Variants in CNTN5 observed in about 807,000 individuals in gnomAD.
CNTN5 encodes contactin 5.
A neutral mutation model predicts 129.1 loss-of-function variants in CNTN5; 77 were observed. The observed-to-expected ratio is 0.60, with a 90% confidence interval of 0.50 to 0.72. CNTN5 has a LOEUF of 0.72. Ranked by LOEUF, CNTN5 falls within the 30% of genes least tolerant of loss-of-function variation. The pLI, the probability that CNTN5 is intolerant of heterozygous loss-of-function variation, is 0.00. For synonymous variants in CNTN5, 509 were observed against 465.6 expected, an observed-to-expected ratio of 1.09 and a Z score of -1.20; for missense variants, 1,478 against 1,328.8, an observed-to-expected ratio of 1.11 and a Z score of -1.75.
chr11:99,965,677 T>C lies in CNTN5; in HGVS notation c.877+8668T>C, dbSNP rs557698927. ...GAGTTCTGTAGATGTCTATTAGGTCTGCTTGGTGCAGAGCTGAGTTCAATT... is the reference window on the plus strand; with the variant it reads ...GAGTTCTGTAGATGTCTATTAGGTCCGCTTGGTGCAGAGCTGAGTTCAATT... On this transcript the variant is annotated intron_variant, in intron 8 of 24. Coordinates refer to ENST00000524871, the MANE Select transcript of CNTN5 (RefSeq NM_014361.4). Among the ~76,000 whole-genome samples the C allele has an allele frequency of 1.3e-3, 205 of 152,264 alleles. 1 individual carries two copies. The highest frequency in any genetic ancestry group is 4.7e-3 in the African/African-American group (197 of 41,562).
Position 99,953,539 on chromosome 11 carries a change from T to C in CNTN5, c.674-3267T>C, listed in dbSNP as rs150684163. The stretch of plus-strand genomic sequence containing the variant: ...CAAATAAGAACTAAAATCCAAAGTA[T>C]ACTCTCTGGTGTTAACCCTGAGGAG... On this transcript the variant is annotated intron_variant, in intron 7 of 24. Transcript: ENST00000524871. Among the ~76,000 whole-genome samples the C allele has an allele frequency of 2.0e-3, 312 of 152,258 alleles. 2 individuals are homozygous for C. The highest frequency in any genetic ancestry group is 7.2e-3 in the African/African-American group (300 of 41,566).
chr11:99,141,642 T>C (rs1859521878), intron 1 of CNTN5, among the ~76,000 whole-genome samples: 1 of 152,198 alleles, frequency 6.6e-6, no homozygotes, highest in Non-Finnish European at 1.5e-5. Flanking sequence ...TATTTAGCAC[T>C]ATATACTTCT....
intron 13 of CNTN5, among the ~76,000 whole-genome samples, chr11:100,092,713 C>A (rs1046373202): frequency 6.6e-6 from 1 of 152,030 alleles, no homozygotes; most frequent in Non-Finnish European, 1.5e-5. Flanking sequence ...GTGCTCTTCC[C>A]CCATACTGAG....
chr11:99,877,694 G>A (rs561474050), intron 6 of CNTN5, among the ~76,000 whole-genome samples: 21 of 152,058 alleles, frequency 1.4e-4, no homozygotes, highest in Non-Finnish European at 2.1e-4. Context: ...AAAATTACAT[G>A]CTGTAGTAAT....
At chr11:100,063,912 C>G (rs891879361) in intron 10 of CNTN5, among the ~76,000 whole-genome samples, 1 of 151,846 alleles carries the variant, frequency 6.6e-6, no homozygotes, top group Non-Finnish European at 1.5e-5. Flanking sequence ...AAAAGTATGT[C>G]GGTTATCATG....
chr11:100,051,247 C>T (rs937170122), intron 9 of CNTN5, among the ~76,000 whole-genome samples: 1 of 151,942 alleles, frequency 6.6e-6, no homozygotes, highest in Non-Finnish European at 1.5e-5. Flanking sequence ...ATGTGTTGGG[C>T]CGTAAAACAA....
At chr11:99,774,348 G>A (rs1383356216) in intron 3 of CNTN5, among the ~76,000 whole-genome samples, 1 of 150,690 alleles carries the variant, frequency 6.6e-6, no homozygotes, top group Non-Finnish European at 1.5e-5. Context: ...TTTTTGGGGG[G>A]GTGGGTGTTA....
At chr11:99,821,219 C>G (rs1946791301) in intron 4 of CNTN5, among the ~76,000 whole-genome samples, 1 of 152,080 alleles carries the variant, frequency 6.6e-6, no homozygotes, top group Non-Finnish European at 1.5e-5. Context: ...TGTTCTGCCT[C>G]TTTGTTCTCT....
chr11:99,955,050 T>A (rs1359667927), intron 7 of CNTN5, among the ~76,000 whole-genome samples: 1 of 152,050 alleles, frequency 6.6e-6, no homozygotes, highest in Non-Finnish European at 1.5e-5. Flanking sequence ...CCTGTAATTG[T>A]TAGTTGCTTT....
At chr11:99,888,669 A>T (rs1356170973) in intron 6 of CNTN5, among the ~76,000 whole-genome samples, 1 of 152,218 alleles carries the variant, frequency 6.6e-6, no homozygotes, top group Non-Finnish European at 1.5e-5. Context: ...AGCTGTCAGC[A>T]ATGGGCAACA....
chr11:100,071,457 C>A (rs1302019826), intron 11 of CNTN5, among the ~76,000 whole-genome samples: 1 of 152,096 alleles, frequency 6.6e-6, no homozygotes, highest in Non-Finnish European at 1.5e-5. Context: ...AAAAACCAAA[C>A]TGAAAGTAAA....
intron 1 of CNTN5, among the ~76,000 whole-genome samples, chr11:99,142,885 G>A (rs895150974): frequency 1.3e-5 from 2 of 152,124 alleles, no homozygotes; most frequent in African/African-American, 4.8e-5. Flanking sequence ...AGCCATTCAT[G>A]TCTATTTAAC....
intron 3 of CNTN5, among the ~76,000 whole-genome samples, chr11:99,740,024 C>T (rs990595927): frequency 1.3e-5 from 2 of 150,708 alleles, no homozygotes; most frequent in Non-Finnish European, 3.0e-5. Context: ...AATCTATCTT[C>T]GATCTCAAAA....
intron 1 of CNTN5, among the ~76,000 whole-genome samples, chr11:99,115,624 G>A (rs1858009056): frequency 2.0e-5 from 3 of 152,104 alleles, no homozygotes; most frequent in Admixed American, 1.3e-4. Context: ...GCTGGGTGTG[G>A]TGGCAGGTGC....
rs528554146 is a variant in CNTN5 at position 99,437,057 on chromosome 11, G to A, written c.-71+111573G>A. On this transcript the variant is annotated intron_variant, in intron 2 of 24. Coordinates refer to ENST00000524871, the MANE Select transcript of CNTN5 (RefSeq NM_014361.4). ...TTACTCAGCCTAATAGGCATCTCAC[G>A]TATAAATGTTCAAAAGTGAGCCCTG... is the stretch of plus-strand genomic sequence containing the variant. 2.0e-4 allele frequency among the ~76,000 whole-genome samples: 30 copies of A among 152,198 alleles called. No individual in the cohort carries two copies. In the South Asian group the frequency reaches 4.8e-3, roughly 24 times the overall value.
chr11:99,717,061 C>A (rs552482624), intron 3 of CNTN5, among the ~76,000 whole-genome samples: 1 of 151,760 alleles, frequency 6.6e-6, no homozygotes, highest in Non-Finnish European at 1.5e-5. Flanking sequence ...TTTCCTTTTG[C>A]TTTTTACTCT....
intron 1 of CNTN5, among the ~76,000 whole-genome samples, chr11:99,216,760 C>T (rs376539073): frequency 6.6e-6 from 1 of 151,740 alleles, no homozygotes; most frequent in Non-Finnish European, 1.5e-5. Flanking sequence ...CACAAGATAC[C>T]AAAGCAAAAA....
At chr11:99,736,331 C>A (rs1156251273) in intron 3 of CNTN5, among the ~76,000 whole-genome samples, 1 of 152,080 alleles carries the variant, frequency 6.6e-6, no homozygotes, top group Admixed American at 6.5e-5. Context: ...GGATCTGGAG[C>A]CTAGGAGCTG....
chr11:99,294,936 G>A (rs12794439), intron 1 of CNTN5, among the ~76,000 whole-genome samples: 21,761 of 152,004 alleles, frequency 0.14, 2,045 homozygotes, highest in Non-Finnish European at 0.21. Context: ...GATTGTGACC[G>A]TAACTTAGGG....
Sources: allele counts gnomAD v4.1 joint callset (sites outside exome capture counted in the v4.1 genomes callset), GRCh38; gene constraint gnomAD v4.1.1; transcripts MANE v1.5; gene names NCBI Gene and HGNC (gene_info 2026-07-23, HGNC 2026-07-21).